ENO4: variants seen among roughly 807,000 people sequenced by gnomAD.
ENO4 encodes 2-phospho-D-glycerate hydro-lyase.
In ENO4, 53 loss-of-function variants were observed where a neutral mutation model predicts 63.2. That is an observed-to-expected ratio of 0.84 (90% CI 0.67 to 1.05). The LOEUF is 1.05. ENO4 is among the 50% of genes least tolerant of loss of function. ENO4 has a pLI of 0.00. For synonymous variants in ENO4, 266 were observed against 283.8 expected, an observed-to-expected ratio of 0.94 and a Z score of 0.63; for missense variants, 719 against 772.0, an observed-to-expected ratio of 0.93 and a Z score of 0.81.
intron 10 of ENO4, among the ~76,000 whole-genome samples, chr10:116,905,409 G>T (rs1022908039): frequency 1.3e-5 from 2 of 152,050 alleles, no homozygotes; most frequent in Non-Finnish European, 2.9e-5. Context: ...AGTTGTTTTG[G>T]GGGGCACAGT....
At chr10:116,901,996 TATG>T (rs1340661318) in intron 10 of ENO4, 1 of 1,504,634 alleles carries the variant, frequency 6.6e-7, no homozygotes, top group Non-Finnish European at 9.0e-7. Flanking sequence ...AATAATTCTG[TATG>T]ATGCTTATTA....
chr10:116,909,310 G>C (rs1033130747), intron 10 of ENO4, among the ~76,000 whole-genome samples: 1 of 152,118 alleles, frequency 6.6e-6, no homozygotes, highest in Non-Finnish European at 1.5e-5. Context: ...TAATCTAATT[G>C]TCAGGCAAAA....
At chr10:116,878,568 C>T (rs1420668387) in intron 11 of ENO4, among the ~76,000 whole-genome samples, 3 of 152,060 alleles carry the variant, frequency 2.0e-5, no homozygotes, top group South Asian at 2.1e-4. Context: ...ACCAACTCCA[C>T]GTTACTCTTA....
intron 10 of ENO4, among the ~76,000 whole-genome samples, chr10:116,905,592 T>G (rs984544793): frequency 3.9e-5 from 6 of 152,198 alleles, no homozygotes; most frequent in Admixed American, 3.9e-4. Flanking sequence ...ATTGTCTGAG[T>G]AAATCTCTCT....
At chr10:116,902,630 G>T (rs1209841106) in intron 10 of ENO4, among the ~76,000 whole-genome samples, 2 of 152,172 alleles carry the variant, frequency 1.3e-5, no homozygotes, top group Non-Finnish European at 2.9e-5. Context: ...GGGCATTGAA[G>T]CCAGTCCCTA....
At chr10:116,878,910 A>AT (rs1401773639) in intron 11 of ENO4, among the ~76,000 whole-genome samples, 2 of 151,752 alleles carry the variant, frequency 1.3e-5, no homozygotes, top group East Asian at 3.9e-4. Context: ...CGCCCGGCTA[A>AT]TTTTTTGTAT....
intron 10 of ENO4, among the ~76,000 whole-genome samples, chr10:116,894,969 TTATAA>T (rs2133310297): frequency 6.6e-6 from 1 of 152,282 alleles, no homozygotes; most frequent in South Asian, 2.1e-4. Context: ...CTGCCTCTCT[TTATAA>T]TAAAAATGTC....
At chr10:116,868,496 TC>T in intron 7 of ENO4, 153 bp from the exon 8 acceptor site, 2 of 723,118 alleles carry the variant, frequency 2.8e-6, no homozygotes, top group South Asian at 1.5e-5. Flanking sequence ...GCTGGAATCA[TC>T]CCTATGTGCA....
chr10:116,876,200 A>T lies in ENO4; in HGVS notation c.1477A>T (p.Ile493Leu). The T allele has an allele frequency of 7.7e-6, 12 of 1,550,450 alleles. No homozygotes were observed. The highest frequency in any genetic ancestry group is 1.0e-5 in the Non-Finnish European group (12 of 1,146,962). Residue 493 changes from isoleucine (I) to leucine (L), a missense_variant, in exon 11 of 14, where the codon ATA (isoleucine) becomes TTA (leucine). Coordinates refer to ENST00000341276, the MANE Select transcript of ENO4 (RefSeq NM_001242699.2). ...ISIPKSNGLI[I>L]KHTNQTTMSD... is the part of the protein sequence containing the mutation. ...CATCCCCAAATCCAATGGGCTGATCATAAAACACACAAACCAAACTACAAT... is the reference window on the plus strand; with the variant it reads ...CATCCCCAAATCCAATGGGCTGATCTTAAAACACACAAACCAAACTACAAT...
chr10:116,855,076 C>T (rs908877196), intron 1 of ENO4, among the ~76,000 whole-genome samples: 2 of 151,798 alleles, frequency 1.3e-5, no homozygotes, highest in Admixed American at 6.6e-5. Flanking sequence ...GGGTGAATCA[C>T]GAGGTCAAGA....
In ENO4 at chr10:116,856,575, G is replaced by A; in HGVS notation, c.378G>A (p.Glu126=). 1 of 1,536,188 alleles carries A rather than the reference G, an allele frequency of 6.5e-7. No homozygotes were observed. The highest frequency in any genetic ancestry group is 1.2e-5 in the South Asian group (1 of 84,062). Residue 126 remains glutamate, a synonymous_variant, in exon 3 of 14, where the codon GAG becomes GAA. Coordinates refer to ENST00000341276, the MANE Select transcript of ENO4 (RefSeq NM_001242699.2). ...LPELAKAEEA[E]RASAVSTAVQ... Reference sequence around the variant, plus strand: ...AGCTGGCCAAGGCGGAGGAGGCAGAGAGGGCCAGCGCGGTGAGCACCGCCG... The same window carrying A: ...AGCTGGCCAAGGCGGAGGAGGCAGAAAGGGCCAGCGCGGTGAGCACCGCCG...
rs1156873069 is a variant in ENO4 at position 116,882,512 on chromosome 10, CATATAG to C, written c.*849_*854del. ...AGAAATAAATATATTCAGACACAAA[CATATAG>C]ATATAATAATATCCAACCACTTTAT... On this transcript the variant is annotated 3_prime_UTR_variant, in exon 14 of 14. Transcript: ENST00000341276. 6.6e-5 allele frequency: 10 copies of C among 151,466 alleles called. No homozygotes were observed. The highest frequency in any genetic ancestry group is 2.4e-4 in the African/African-American group (10 of 41,166). The allele number at this position is 151,466 out of a possible 1,614,324, so 9.4% of individuals were successfully genotyped here.
intron 7 of ENO4, among the ~76,000 whole-genome samples, chr10:116,867,860 T>C (rs1205746628): frequency 6.6e-6 from 1 of 152,234 alleles, no homozygotes; most frequent in Non-Finnish European, 1.5e-5. Flanking sequence ...CCATTCTGAA[T>C]TGGAGCCAGT....
At chr10:116,866,175 C>T (rs1564848467) in intron 7 of ENO4, among the ~76,000 whole-genome samples, 1 of 152,174 alleles carries the variant, frequency 6.6e-6, no homozygotes, top group Non-Finnish European at 1.5e-5. Context: ...ATCTTAATTT[C>T]ACCTGGCCTT....
chr10:116,878,622 T>C (rs1489122140), intron 11 of ENO4, among the ~76,000 whole-genome samples: 1 of 152,156 alleles, frequency 6.6e-6, no homozygotes, highest in African/African-American at 2.4e-5. Context: ...ACACTGAACA[T>C]TTAAAAAATT....
Position 116,879,306 on chromosome 10 carries a change from C to T in ENO4, c.1553C>T (p.Thr518Ile), listed in dbSNP as rs773480375. 3.9e-6 allele frequency: 6 copies of T among 1,550,328 alleles called. No individual in the cohort carries two copies. The highest frequency in any genetic ancestry group is 3.3e-4 in the Middle Eastern group (2 of 6,020). Reference protein sequence around the residue: ...TNLIDSKKHITVFGSTEGESS... With the variant: ...TNLIDSKKHIIVFGSTEGESS... The stretch of plus-strand genomic sequence containing the variant: ...CCTCTTCCAGGTAAGAAGCACATCA[C>T]TGTCTTTGGAAGTACAGAAGGAGAA... Residue 518 changes from threonine to isoleucine, a missense_variant, in exon 12 of 14, where the codon ACT (threonine) becomes ATT (isoleucine). Thr to Ile is a moderately conservative substitution (Grantham distance 89). Around this residue, in one of 3 missense-constraint regions of ENO4, gnomAD observed 168 missense variants for 163.3 expected, o/e 1.03. Transcript: ENST00000341276.
At chr10:116,859,410 G>A (rs1303236224) in intron 4 of ENO4, among the ~76,000 whole-genome samples, 1 of 152,188 alleles carries the variant, frequency 6.6e-6, no homozygotes, top group Admixed American at 6.5e-5. Flanking sequence ...TGGGGGTAGA[G>A]TGGGAGGGGA....
rs111501756 is a variant in ENO4 at position 116,911,522 on chromosome 10, G to A, written c.1219G>A (p.Ala407Thr). The change falls in exon 11 of 11, where the codon GCC (alanine) becomes ACC (threonine). Residue 407 changes from alanine (A) to threonine (T), a missense_variant. Physicochemically the swap from Ala to Thr is moderately conservative, Grantham distance 58 (BLOSUM62 0). Transcript: ENST00000369207. ...AGCCACTTCATCTTCAAGCTGTGAT[G>A]CCAGGATTGGAGGGCAAGAACAGGA... 5.8e-6 allele frequency: 9 copies of A among 1,550,396 alleles called. No individual in the cohort carries two copies. The East Asian group carries it at 7.3e-5, about 13-fold the overall frequency.
chr10:116,899,108 A>T (rs919554016), intron 10 of ENO4, among the ~76,000 whole-genome samples: 2 of 152,232 alleles, frequency 1.3e-5, no homozygotes, highest in Admixed American at 6.5e-5. Flanking sequence ...TAAGGCAGGA[A>T]TTGTTCCATG....
Sources: gnomAD v4.1 joint callset for allele counts (sites outside exome capture counted in the v4.1 genomes callset) on GRCh38, gnomAD v4.1.1 for gene constraint, gnomAD v4.1.1 regional missense constraint, MANE v1.5 for transcripts, NCBI Gene and HGNC (gene_info 2026-07-23, HGNC 2026-07-21) for gene names.